The following ADAMTSL1 variants were observed in gnomAD, a reference collection of about 807,000 sequenced individuals.
ADAMTSL1 encodes ADAMTS-like protein 1.
A neutral mutation model predicts 201.8 loss-of-function variants in ADAMTSL1; 126 were observed. The ratio of observed to expected loss-of-function variants is 0.62; its 90% CI spans 0.54 to 0.72. ADAMTSL1 has a LOEUF of 0.72. ADAMTSL1 is among the 30% of genes least tolerant of loss of function. ADAMTSL1 has a pLI of 0.00. For missense variants in ADAMTSL1, 2,679 were observed against 2,277.8 expected, an observed-to-expected ratio of 1.18 and a Z score of -3.59; for synonymous variants, 1,121 against 903.4, an observed-to-expected ratio of 1.24 and a Z score of -4.32.
intron 4 of ADAMTSL1, among the ~76,000 whole-genome samples, chr9:18,576,197 A>T (rs1452124071): frequency 6.6e-6 from 1 of 152,132 alleles, no homozygotes; most frequent in African/African-American, 2.4e-5. Flanking sequence ...GGTTATTATT[A>T]TTATTTTCTT....
intron 1 of ADAMTSL1, among the ~76,000 whole-genome samples, chr9:18,036,136 A>G (rs964839419): frequency 6.6e-6 from 1 of 152,162 alleles, no homozygotes; most frequent in Non-Finnish European, 1.5e-5. Flanking sequence ...TTGGCCAAGT[A>G]AAGAATGACA....
At chr9:18,714,306 C>G (rs1308228959) in intron 14 of ADAMTSL1, among the ~76,000 whole-genome samples, 1 of 151,534 alleles carries the variant, frequency 6.6e-6, no homozygotes, top group African/African-American at 2.4e-5. Flanking sequence ...TTAATGAATC[C>G]AGGAGCTGGT....
intron 2 of ADAMTSL1, among the ~76,000 whole-genome samples, chr9:18,275,637 G>T (rs186881446): frequency 3.4e-4 from 51 of 152,070 alleles, no homozygotes; most frequent in African/African-American, 1.1e-3. Flanking sequence ...CGTCTAAATT[G>T]TTTCACATAG....
chr9:17,910,742 G>C (rs12342780), intron 1 of ADAMTSL1, among the ~76,000 whole-genome samples: 26,323 of 68,102 alleles, frequency 0.39, 12,308 homozygotes, highest in East Asian at 0.82. Context: ...GTGTTTGTCA[G>C]AGCAGCTGTT....
At chr9:18,407,765 T>C (rs1036454594) in intron 2 of ADAMTSL1, among the ~76,000 whole-genome samples, 2 of 151,948 alleles carry the variant, frequency 1.3e-5, no homozygotes, top group Admixed American at 1.3e-4. Flanking sequence ...GTGAAAAGAG[T>C]AAGTATTATC....
chr9:18,756,117 A>G (rs952865891), intron 16 of ADAMTSL1, among the ~76,000 whole-genome samples: 1 of 88,766 alleles, frequency 1.1e-5, no homozygotes, highest in South Asian at 3.8e-4. Flanking sequence ...ATATATATAT[A>G]TATATACAAA....
At position 18,777,888 on chromosome 9, in the gene ADAMTSL1, A is replaced by G. The variant is rs765787295; in HGVS notation, c.3659A>G (p.Glu1220Gly). ...PTISWARNGE[E>G]VQFSDRILLQ... ...ATCAGCTGGGCCAGGAATGGAGAAG[A>G]AGTTCAGTTCAGTGACAGGTGAGCC... Residue 1220 changes from glutamate to glycine, a missense_variant, in exon 19 of 29, where the codon GAA (glutamate) becomes GGA (glycine). Physicochemically the swap from Glu to Gly is moderately conservative, Grantham distance 98. Transcript: ENST00000380548. 6.4e-7 allele frequency: 1 copy of G among 1,553,260 alleles called. No individual in the cohort carries two copies. The highest frequency in any genetic ancestry group is 8.7e-7 in the Non-Finnish European group (1 of 1,146,056).
intron 2 of ADAMTSL1, among the ~76,000 whole-genome samples, chr9:18,223,363 G>A (rs1472136086): frequency 1.3e-5 from 2 of 152,014 alleles, no homozygotes; most frequent in Non-Finnish European, 2.9e-5. Flanking sequence ...CTGGTTCCAA[G>A]AATTTCATAT....
intron 15 of ADAMTSL1, among the ~76,000 whole-genome samples, chr9:18,731,142 A>G (rs1276019202): frequency 6.6e-6 from 1 of 152,204 alleles, no homozygotes; most frequent in Non-Finnish European, 1.5e-5. Context: ...GGAGGACAAG[A>G]CCAAGAGGAG....
chr9:18,612,361 C>T (rs1165474526), intron 4 of ADAMTSL1, among the ~76,000 whole-genome samples: 1 of 152,116 alleles, frequency 6.6e-6, no homozygotes, highest in African/African-American at 2.4e-5. Flanking sequence ...TAGCTTGAGA[C>T]AAAGGGGAAA....
intron 1 of ADAMTSL1, among the ~76,000 whole-genome samples, chr9:18,026,954 G>T (rs1013955207): frequency 1.3e-5 from 2 of 151,930 alleles, no homozygotes; most frequent in African/African-American, 4.8e-5. Flanking sequence ...TGTGTTTCCA[G>T]GAATTTACCC....
chr9:18,868,870 A>T (rs1336339265), intron 23 of ADAMTSL1, among the ~76,000 whole-genome samples: 1 of 152,166 alleles, frequency 6.6e-6, no homozygotes, highest in Non-Finnish European at 1.5e-5. Context: ...TCTGTTTGGG[A>T]TATCCCTCTG....
chr9:18,770,313 A>G (rs985587056), intron 16 of ADAMTSL1, among the ~76,000 whole-genome samples: 1 of 152,196 alleles, frequency 6.6e-6, no homozygotes, highest in Non-Finnish European at 1.5e-5. Flanking sequence ...GTTGTCTTGG[A>G]TGGGACTGCA....
At chr9:18,486,547 A>G (rs1822005252) in intron 1 of ADAMTSL1, among the ~76,000 whole-genome samples, 1 of 152,144 alleles carries the variant, frequency 6.6e-6, no homozygotes, top group African/African-American at 2.4e-5. Context: ...CTAAGAAAAA[A>G]TGCAAAAATT....
At chr9:18,115,428 TG>T (rs1447281562) in intron 1 of ADAMTSL1, among the ~76,000 whole-genome samples, 1 of 152,100 alleles carries the variant, frequency 6.6e-6, no homozygotes, top group Non-Finnish European at 1.5e-5. Context: ...TCTACAATTA[TG>T]GGAATAAAAC....
chr9:18,712,211 A>G (rs1208230369), intron 14 of ADAMTSL1, among the ~76,000 whole-genome samples: 12 of 152,368 alleles, frequency 7.9e-5, no homozygotes, highest in East Asian at 1.9e-4. Context: ...CCAAAGGATC[A>G]CAGTTCCTCA....
chr9:17,906,634 T>A (rs1262650774), exon 1 of ADAMTSL1: 3 of 152,496 alleles, frequency 2.0e-5, no homozygotes, highest in Non-Finnish European at 4.4e-5. Context: ...CGCGCTCCCA[T>A]TCAAAGCAGA....
chr9:18,235,094 A>AT (rs991741371), intron 2 of ADAMTSL1, among the ~76,000 whole-genome samples: 1 of 151,540 alleles, frequency 6.6e-6, no homozygotes, highest in South Asian at 2.1e-4. Context: ...TCTTTCCCTA[A>AT]TTTTTTTTCT....
chr9:18,028,964 A>T (rs990964188), intron 1 of ADAMTSL1, among the ~76,000 whole-genome samples: 5 of 152,162 alleles, frequency 3.3e-5, no homozygotes, highest in African/African-American at 1.2e-4. Context: ...TTCTCCTTGA[A>T]GAGGTCCTTC....
Sources: gnomAD v4.1 joint callset for allele counts (sites outside exome capture counted in the v4.1 genomes callset) on GRCh38, gnomAD v4.1.1 for gene constraint, MANE v1.5 for transcripts, NCBI Gene and HGNC (gene_info 2026-07-23, HGNC 2026-07-21) for gene names.